Variants in SPATS2L observed in about 807,000 individuals in gnomAD.
The protein encoded by SPATS2L is spermatogenesis associated serine rich 2 like.
A neutral mutation model predicts 59.6 loss-of-function variants in SPATS2L; 30 were observed. That is an observed-to-expected ratio of 0.50 (90% CI 0.38 to 0.68). SPATS2L has a LOEUF of 0.68. Among genes scored for constraint, SPATS2L ranks in the 30% least tolerant of loss-of-function variants. The probability of loss-of-function intolerance (pLI) is 0.00; values close to 1 mark genes in which losing one functional copy is unlikely to be tolerated. For missense variants in SPATS2L, 615 were observed against 700.0 expected, an observed-to-expected ratio of 0.88 and a Z score of 1.37; for synonymous variants, 252 against 263.5, an observed-to-expected ratio of 0.96 and a Z score of 0.42.
intron 12 of SPATS2L, among the ~76,000 whole-genome samples, chr2:200,476,996 G>A (rs1371380438): frequency 6.6e-6 from 1 of 152,192 alleles, no homozygotes; most frequent in East Asian, 1.9e-4. Flanking sequence ...CTAAAGTCAA[G>A]CTGCTGCTCT....
chr2:200,466,153 A>T (rs1038984711), intron 9 of SPATS2L, among the ~76,000 whole-genome samples: 2 of 152,224 alleles, frequency 1.3e-5, no homozygotes, highest in Non-Finnish European at 2.9e-5. Context: ...ATCTTTTGAT[A>T]TTTTGAGTAA....
At chr2:200,335,109 G>A (rs971756851) in intron 2 of SPATS2L, among the ~76,000 whole-genome samples, 4 of 152,178 alleles carry the variant, frequency 2.6e-5, no homozygotes, top group African/African-American at 7.2e-5. Context: ...TGGGCAGTAT[G>A]GCCATTTTCA....
At chr2:200,322,547 G>T (rs760090467) in intron 1 of SPATS2L, among the ~76,000 whole-genome samples, 1 of 152,204 alleles carries the variant, frequency 6.6e-6, no homozygotes, top group South Asian at 2.1e-4. Context: ...AGCCCTCAAA[G>T]AATTATTTGG....
At chr2:200,405,566 C>T (rs952269428) in intron 3 of SPATS2L, among the ~76,000 whole-genome samples, 1 of 152,004 alleles carries the variant, frequency 6.6e-6, no homozygotes, top group Non-Finnish European at 1.5e-5. Flanking sequence ...TATTTTCTTC[C>T]CCAAGAAAAT....
chr2:200,318,320 TC>T (rs900543729), intron 1 of SPATS2L, among the ~76,000 whole-genome samples: 8 of 152,310 alleles, frequency 5.3e-5, no homozygotes, highest in Non-Finnish European at 1.0e-4. Context: ...GTACTGAGCT[TC>T]CAGTGACTTG....
At chr2:200,441,657 CTT>C (rs2084707831) in intron 8 of SPATS2L, among the ~76,000 whole-genome samples, 1 of 152,128 alleles carries the variant, frequency 6.6e-6, no homozygotes, top group Non-Finnish European at 1.5e-5. Context: ...CACCATCTCT[CTT>C]TGTGGTAGCA....
At chr2:200,345,600 T>C (rs1029589067) in intron 2 of SPATS2L, among the ~76,000 whole-genome samples, 2 of 152,176 alleles carry the variant, frequency 1.3e-5, no homozygotes, top group East Asian at 3.8e-4. Flanking sequence ...AGGTCTACAC[T>C]TTCTAGGTTT....
Position 200,477,757 on chromosome 2 carries a change from G to T in SPATS2L, c.1403G>T (p.Arg468Leu), listed in dbSNP as rs567244924. 1.3e-6 allele frequency: 2 copies of T among 1,580,856 alleles called. No individual in the cohort carries two copies. The highest frequency in any genetic ancestry group is 1.8e-5 in the Admixed American group (1 of 54,682). Residue 468 changes from arginine (R) to leucine (L), a missense_variant, in exon 13 of 13, where the codon CGC (arginine) becomes CTC (leucine). Coordinates refer to ENST00000409140, the MANE Select transcript of SPATS2L (RefSeq NM_001100423.2). ...GAGCCACTGGGAAAGGGCAACAGCC[G>T]CCACGAACACAGAAGACAGCCGCAC... ...EAEPLGKGNS[R>L]HEHRRQPHNG...
intron 6 of SPATS2L, among the ~76,000 whole-genome samples, chr2:200,424,154 T>A (rs2083426024): frequency 6.6e-6 from 1 of 152,102 alleles, no homozygotes; most frequent in South Asian, 2.1e-4. Flanking sequence ...AAAATCATCC[T>A]GGGCTCAAAT....
chr2:200,389,408 CACAACAGTAA>C, intron 3 of SPATS2L, 125 bp downstream of exon 3: 1 of 643,952 alleles, frequency 1.6e-6, no homozygotes, highest in Non-Finnish European at 2.7e-6. Flanking sequence ...GTAAGTTTGC[CACAACAGTAA>C]ACTGTTCAGC....
At chr2:200,469,534 C>T (rs557971388) in intron 10 of SPATS2L, among the ~76,000 whole-genome samples, 285 of 151,992 alleles carry the variant, frequency 1.9e-3, no homozygotes, top group South Asian at 3.5e-3. Context: ...CTAGGAAGGA[C>T]GACATGTTTT....
At chr2:200,381,479 TC>T (rs2081809575) in intron 2 of SPATS2L, among the ~76,000 whole-genome samples, 1 of 152,164 alleles carries the variant, frequency 6.6e-6, no homozygotes, top group African/African-American at 2.4e-5. Context: ...CTTCCAACTC[TC>T]CCTATCGAAG....
At chr2:200,477,424 G>T (rs960687923) in intron 12 of SPATS2L, among the ~76,000 whole-genome samples, 3 of 146,622 alleles carry the variant, frequency 2.0e-5, no homozygotes, top group African/African-American at 7.7e-5. Context: ...TTTTCTTCCA[G>T]TTCCATTTAC....
At chr2:200,393,668 ATTTAT>A (rs753078342) in intron 3 of SPATS2L, among the ~76,000 whole-genome samples, 15 of 152,210 alleles carry the variant, frequency 9.9e-5, no homozygotes, top group Non-Finnish European at 2.1e-4. Context: ...TTTGACATTG[ATTTAT>A]TTTAGTATAC....
chr2:200,388,924 T>C (rs1018265627), intron 2 of SPATS2L, among the ~76,000 whole-genome samples: 46 of 152,204 alleles, frequency 3.0e-4, no homozygotes, highest in African/African-American at 9.9e-4. Context: ...TCTCTATTTT[T>C]GACCACCTTT....
intron 2 of SPATS2L, among the ~76,000 whole-genome samples, chr2:200,333,623 G>A (rs1302375972): frequency 6.6e-6 from 1 of 151,980 alleles, no homozygotes; most frequent in East Asian, 1.9e-4. Flanking sequence ...TTTAACATTA[G>A]GTATATCTCC....
intron 3 of SPATS2L, chr2:200,390,406 C>T (rs1205998755): frequency 6.6e-6 from 1 of 152,290 alleles, no homozygotes; most frequent in East Asian, 1.9e-4. Context: ...GCGGTGATAA[C>T]AACTGTGGAG....
chr2:200,436,964 T>C (rs1251602596), intron 6 of SPATS2L, among the ~76,000 whole-genome samples: 1 of 152,116 alleles, frequency 6.6e-6, no homozygotes, highest in African/African-American at 2.4e-5. Flanking sequence ...ATGTGAGATC[T>C]GCTTGTTTAA....
chr2:200,440,695 T>A lies in SPATS2L; in HGVS notation c.699T>A (p.Val233=), dbSNP rs766395304. The A allele has an allele frequency of 3.7e-6, 6 of 1,613,690 alleles. No homozygotes were observed. The East Asian group carries it at 1.1e-4, about 30-fold the overall frequency. The change falls in exon 8 of 13, where the codon GTT becomes GTA. Residue 233 remains valine, a synonymous_variant. Transcript: ENST00000409140. The part of the protein sequence containing the change: ...KSVKDLQRCT[V]SLTRYRVMIK... Reference sequence around the variant, plus strand: ...TGAAGGATTTGCAACGCTGCACCGTTTCTCTAACTAGATATCGCGTCATGA... The same window carrying A: ...TGAAGGATTTGCAACGCTGCACCGTATCTCTAACTAGATATCGCGTCATGA...
Sources: gnomAD v4.1 joint callset for allele counts (sites outside exome capture counted in the v4.1 genomes callset) on GRCh38, gnomAD v4.1.1 for gene constraint, MANE v1.5 for transcripts, NCBI Gene and HGNC (gene_info 2026-07-23, HGNC 2026-07-21) for gene names.